SERPINB13: variants seen among roughly 807,000 people sequenced by gnomAD.
The protein encoded by SERPINB13 is serpin family B member 13.
Under a neutral mutation model 31.2 loss-of-function variants are expected in SERPINB13, and 26 were observed. That is an observed-to-expected ratio of 0.83 (90% CI 0.61 to 1.15). The LOEUF (loss-of-function observed/expected upper bound fraction) is 1.15. Ranked by LOEUF, SERPINB13 falls within the 50% of genes most tolerant of loss-of-function variation. The probability of loss-of-function intolerance (pLI) is 0.00; values close to 1 mark genes in which losing one functional copy is unlikely to be tolerated. For synonymous variants in SERPINB13, 191 were observed against 172.4 expected (o/e 1.11, Z -0.85); for missense variants, 510 against 469.4 (o/e 1.09, Z -0.80).
Position 63,596,977 on chromosome 18 carries a change from C to T in SERPINB13, c.790C>T (p.Pro264Ser), listed in dbSNP as rs1912206945. Residue 264 changes from proline to serine, a missense_variant, in exon 8 of 8, where the codon CCT (proline) becomes TCT (serine). Coordinates refer to ENST00000344731, the MANE Select transcript of SERPINB13 (RefSeq NM_012397.4). ...AAAATAGATAATAGATAAAATAAGT[C>T]CTGAGAAATTGGTAGAGTGGACTAG... ...GLEKIIDKIS[P>S]EKLVEWTSPG... is the part of the protein sequence containing the mutation. 1.2e-6 allele frequency: 2 copies of T among 1,607,930 alleles called. No homozygotes were observed. The highest frequency in any genetic ancestry group is 1.1e-5 in the South Asian group (1 of 90,442).
In SERPINB13 at chr18:63,597,420, C is replaced by A; in HGVS notation, c.*57C>A. On this transcript the variant is annotated 3_prime_UTR_variant, in exon 8 of 8. Transcript: ENST00000344731. Reference sequence around the variant, plus strand: ...GCAAAAAACAACTACCAGTGTTACTCATATGATTATGAAAATCGTCCATTC... The same window carrying A: ...GCAAAAAACAACTACCAGTGTTACTAATATGATTATGAAAATCGTCCATTC... 6.7e-7 allele frequency: 1 copy of A among 1,493,722 alleles called. No individual in the cohort carries two copies. Among genetic ancestry groups the A allele is most frequent in the Non-Finnish European group, 9.0e-7 (1 of 1,110,120 alleles). 92.5% of individuals were successfully genotyped at this position (1,493,722 alleles called of 1,614,324 possible). A position where few individuals can be genotyped will look rare whatever the true frequency, so the allele number is the denominator to read the frequency against.
rs754151752 is a variant in SERPINB13, at chr18:63,595,180, A to C, written c.767A>C (p.Glu256Ala). Residue 256 changes from glutamate (E) to alanine (A), a missense_variant, in exon 7 of 8, where the codon GAG becomes GCG. Physicochemically the swap from Glu to Ala is moderately radical, Grantham distance 107. Transcript: ENST00000344731. The stretch of plus-strand genomic sequence containing the variant: ...CTGCCCAACGACATCGATGGCCTGG[A>C]GAAGGTAAACGCTTACACCTCCTTA... ...VLLPNDIDGLEKIIDKISPEK... is the reference protein window; with the variant it reads ...VLLPNDIDGLAKIIDKISPEK... 1 of 1,611,684 alleles carries C rather than the reference A, an allele frequency of 6.2e-7. No individual in the cohort carries two copies.
rs775385906 is a variant in SERPINB13 at position 63,588,741 on chromosome 18, G to A, written c.74G>A (p.Gly25Asp). The A allele has an allele frequency of 5.0e-6, 8 of 1,614,162 alleles. No homozygotes were observed. The highest frequency in any genetic ancestry group is 2.2e-5 in the South Asian group (2 of 91,080). The change falls in exon 2 of 8, where the codon GGC (glycine) becomes GAC (aspartate). Residue 25 changes from glycine (G) to aspartate (D), a missense_variant. Physicochemically the swap from Gly to Asp is moderately conservative, Grantham distance 94 (BLOSUM62 -1). Transcript: ENST00000344731. ...AAAGAGCTGAAGAAAACAAATGATG[G>A]CAACATCTTCTTTTCCCCTGTGGGC... ...LFKELKKTND[G>D]NIFFSPVGIL...
rs1301472866 is a variant in SERPINB13, at chr18:63,597,169, C to T, written c.982C>T (p.Gln328Ter). The T allele has an allele frequency of 6.2e-7, 1 of 1,614,178 alleles. No homozygotes were observed. The highest frequency in any genetic ancestry group is 8.5e-7 in the Non-Finnish European group (1 of 1,180,024). ...GTCGTCAGGCTCCGGGTTGTACGCC[C>T]AGAAGTTCCTGCACAGTTCCTTTGT... ...GMSSGSGLYA[Q>*]KFLHSSFVAV... is the part of the protein sequence containing the mutation. Residue 328 changes from glutamine (Q) to a stop codon, truncating the protein, a stop_gained, in exon 8 of 8, where the codon CAG becomes TAG. Transcript: ENST00000344731. LOFTEE classifies it low-confidence loss of function (END_TRUNC).
At chr18:63,596,881 C>A in intron 7 of SERPINB13, 78 bp from the exon 8 acceptor site, 2 of 1,181,906 alleles carry the variant, frequency 1.7e-6, no homozygotes, top group Non-Finnish European at 2.4e-6. Flanking sequence ...TAACTTCTGA[C>A]TGACACAAAT....
Position 63,587,403 on chromosome 18 carries a change from G to T in SERPINB13, c.-65G>T. The stretch of plus-strand genomic sequence containing the variant: ...GATCCCAGCTACTTAATTGACTTAT[G>T]CTTCCTAGTTCGTTGCCCAGCCACC... On this transcript the variant is annotated 5_prime_UTR_variant, in exon 1 of 8. An upstream start codon of the reference 5' UTR is lost. Transcript: ENST00000344731. 2.1e-6 allele frequency: 1 copy of T among 470,842 alleles called. No individual in the cohort carries two copies. The highest frequency in any genetic ancestry group is 4.4e-6 in the Non-Finnish European group (1 of 226,926). 29.2% of individuals were successfully genotyped at this position (470,842 alleles called of 1,614,324 possible). A position where few individuals can be genotyped will look rare whatever the true frequency, so the allele number is the denominator to read the frequency against.
intron 3 of SERPINB13, among the ~76,000 whole-genome samples, chr18:63,590,526 T>C (rs1187314193): frequency 6.6e-6 from 1 of 152,190 alleles, no homozygotes; most frequent in East Asian, 1.9e-4. Context: ...TCAGGCTTCC[T>C]TTCAGGGTTT....
chr18:63,596,673 GAT>G lies in SERPINB13; in HGVS notation c.772-284_772-283del, dbSNP rs375932163. On this transcript the variant is annotated intron_variant, in intron 7 of 7. Transcript: ENST00000344731. Reference sequence around the variant, plus strand: ...ATATATGCATTCAAAGACTAGGAGAGATAGTTAAAATGAAATATATACTAGGT... The same window carrying G: ...ATATATGCATTCAAAGACTAGGAGAGAGTTAAAATGAAATATATACTAGGT... Among the ~76,000 whole-genome samples the G allele has an allele frequency of 1.6e-4, 25 of 152,250 alleles. No homozygotes were observed. In the South Asian group the frequency reaches 5.2e-3, roughly 32 times the overall value.
Position 63,592,886 on chromosome 18 carries a change from T to C in SERPINB13, c.387T>C (p.His129=), listed in dbSNP as rs1911938155. The C allele has an allele frequency of 6.2e-7, 1 of 1,609,192 alleles. No individual in the cohort carries two copies. The highest frequency in any genetic ancestry group is 1.3e-5 in the African/African-American group (1 of 74,732). Residue 129 remains histidine, a synonymous_variant, in exon 5 of 8, where the codon CAT becomes CAC. Coordinates refer to ENST00000344731, the MANE Select transcript of SERPINB13 (RefSeq NM_012397.4). ...TAGATTATGTTGAAAAATATTATCA[T>C]GCATCTCTGGAACCTGTTGATTTTG... ...KYLDYVEKYY[H]ASLEPVDFVN...
rs559640918 is a variant in SERPINB13 at position 63,597,596 on chromosome 18, G to A, written c.*233G>A. ...AAGGTGAGTCAAACCAAACCTCATT[G>A]ATAATCTCCCTTTGGTTTCCTTTGA... On this transcript the variant is annotated 3_prime_UTR_variant, in exon 8 of 8. Coordinates refer to ENST00000344731, the MANE Select transcript of SERPINB13 (RefSeq NM_012397.4). 2.1e-5 allele frequency: 10 copies of A among 466,588 alleles called. No individual in the cohort carries two copies. In the East Asian group the frequency reaches 2.8e-4, roughly 13 times the overall value. 28.9% of individuals were successfully genotyped at this position (466,588 alleles called of 1,614,324 possible). A position where few individuals can be genotyped will look rare whatever the true frequency, so the allele number is the denominator to read the frequency against.
intron 5 of SERPINB13, 70 bp downstream of exon 5, chr18:63,593,041 T>C: frequency 1.0e-6 from 1 of 977,610 alleles, no homozygotes; most frequent in Admixed American, 2.0e-5. Context: ...AAAACACTTC[T>C]TGACAACCTG....
rs965532967 is a variant in SERPINB13, at chr18:63,594,635, T to TCGAGA, written c.615+140_615+144dup. On this transcript the variant is annotated intron_variant, in intron 6 of 7. Transcript: ENST00000344731. ...GTGGGTGGATCATGAGATCAAGGGA[T>TCGAGA]CGAGACTATCCTTGCCAACATGGTG... is the stretch of plus-strand genomic sequence containing the variant. 2.0e-4 allele frequency: 172 copies of TCGAGA among 876,566 alleles called. 1 individual carries two copies. In the African/African-American group the frequency reaches 2.7e-3, roughly 14 times the overall value. The allele number at this position is 876,566 out of a possible 1,614,324, so 54.3% of individuals were successfully genotyped here.
At chr18:63,592,298 G>A in intron 3 of SERPINB13, 50 bp from the exon 4 acceptor site, 2 of 1,582,048 alleles carry the variant, frequency 1.3e-6, no homozygotes, top group Non-Finnish European at 1.7e-6. Context: ...GGAGAATCTG[G>A]GCTTGCTTTT....
intron 6 of SERPINB13, among the ~76,000 whole-genome samples, chr18:63,594,712 G>A (rs769644891): frequency 3.3e-5 from 5 of 152,226 alleles, no homozygotes; most frequent in East Asian, 1.9e-4. Flanking sequence ...GGTGGTGCAC[G>A]CCGGTAGTCC....
At chr18:63,591,384 C>T (rs1911841684) in intron 3 of SERPINB13, among the ~76,000 whole-genome samples, 2 of 124,598 alleles carry the variant, frequency 1.6e-5, no homozygotes, top group Non-Finnish European at 3.8e-5. Flanking sequence ...TCCTTCCTTC[C>T]TTCCCTCCTT....
At chr18:63,588,571 G>T in intron 1 of SERPINB13, 80 bp from the exon 2 acceptor site, 1 of 1,400,646 alleles carries the variant, frequency 7.1e-7, no homozygotes, top group South Asian at 1.3e-5. Context: ...GATGCAAGAA[G>T]AGGAATAGAA....
rs774707060 is a variant in SERPINB13, at chr18:63,592,365, A to G, written c.243A>G (p.Ala81=). Residue 81 remains alanine (A), a synonymous_variant, in exon 4 of 8, where the codon GCA becomes GCG. Coordinates refer to ENST00000344731, the MANE Select transcript of SERPINB13 (RefSeq NM_012397.4). The part of the protein sequence containing the change: ...EEKEVIENTE[A]VHQQFQKFLT... ...TTTTCAAGATTGAGAACACAGAAGC[A>G]GTACATCAACAATTCCAAAAGTTTT... is the stretch of plus-strand genomic sequence containing the variant. 3 of 1,611,562 alleles carry G rather than the reference A, an allele frequency of 1.9e-6. No homozygotes were observed. The highest frequency in any genetic ancestry group is 1.7e-4 in the Middle Eastern group (1 of 6,048).
At chr18:63,596,880 A>T in intron 7 of SERPINB13, 79 bp from the exon 8 acceptor site, 1 of 1,174,072 alleles carries the variant, frequency 8.5e-7, no homozygotes, top group Non-Finnish European at 1.2e-6. Context: ...ATAACTTCTG[A>T]CTGACACAAA....
At chr18:63,594,923 G>A (rs908925784) in intron 6 of SERPINB13, 106 bp from the exon 7 acceptor site, 8 of 1,028,216 alleles carry the variant, frequency 7.8e-6, no homozygotes, top group Non-Finnish European at 7.0e-6. Context: ...TCTGATATTG[G>A]GTTTTATTTT....
Sources: allele counts gnomAD v4.1 joint callset (sites outside exome capture counted in the v4.1 genomes callset), GRCh38; gene constraint gnomAD v4.1.1; transcripts MANE v1.5; gene names NCBI Gene and HGNC (gene_info 2026-07-23, HGNC 2026-07-21).